ARHGEF17: variants seen among roughly 807,000 people sequenced by gnomAD.
The protein encoded by ARHGEF17 is Rho guanine nucleotide exchange factor 17, also known as 164 kDa Rho-specific guanine-nucleotide exchange factor.
In ARHGEF17, 80 loss-of-function variants were observed where a neutral mutation model predicts 174.0. The observed-to-expected ratio is 0.46, with a 90% CI of 0.38 to 0.55. The LOEUF is 0.55. Ranked by LOEUF, ARHGEF17 falls within the 20% of genes least tolerant of loss-of-function variation. The pLI, the probability that ARHGEF17 is intolerant of heterozygous loss-of-function variation, is 0.00. For missense variants in ARHGEF17, 2,886 were observed against 2,839.7 expected, an observed-to-expected ratio of 1.02 and a Z score of -0.37; for synonymous variants, 1,311 against 1,189.1, an observed-to-expected ratio of 1.10 and a Z score of -2.11.
In ARHGEF17 at chr11:73,330,550, T is replaced by C. The variant is rs1227448139; in HGVS notation, c.3193-16333T>C. 3.3e-5 allele frequency among the ~76,000 whole-genome samples: 5 copies of C among 152,318 alleles called. No individual in the cohort carries two copies. The South Asian group carries it at 1.0e-3, about 32-fold the overall frequency. On this transcript the variant is annotated intron_variant, in intron 1 of 20. Coordinates refer to ENST00000263674, the MANE Select transcript of ARHGEF17 (RefSeq NM_014786.4). ...TTCTAGGGTGGGTGTGAAGGTCAGC[T>C]GAGGGGATCGAGGCTGTGGCTGTGG...
rs780592184 is a variant in ARHGEF17, at chr11:73,365,671, A to G, written c.5726-7A>G. On this transcript the variant is annotated splice_polypyrimidine_tract_variant and splice_region_variant and intron_variant, in intron 19 of 20. Transcript: ENST00000263674. This position sits in a 1 kb window ranked among gnomAD's most constrained non-coding sequence, Gnocchi z 4.9. ...CAGCCCCAGCTGTGGTCTGTCTCCCACCCCAGGCTCGGATGCCATCATCCG... is the reference window on the plus strand; with the variant it reads ...CAGCCCCAGCTGTGGTCTGTCTCCCGCCCCAGGCTCGGATGCCATCATCCG... 2 of 1,610,686 alleles carry G rather than the reference A, an allele frequency of 1.2e-6. No individual in the cohort carries two copies. Among genetic ancestry groups the G allele is most frequent in the South Asian group, 2.2e-5 (2 of 91,038 alleles).
In ARHGEF17 at chr11:73,355,937, A is replaced by G. The variant is rs1865630185; in HGVS notation, c.3647A>G (p.Tyr1216Cys). Residue 1216 changes from tyrosine to cysteine, a missense_variant, in exon 5 of 21, where the codon TAC becomes TGC. Tyr to Cys is a radical substitution (Grantham distance 194, BLOSUM62 -2). This residue lies in a region of ARHGEF17 where 353 missense variants were observed against 470.3 expected (regional missense o/e 0.75). Coordinates refer to ENST00000263674, the MANE Select transcript of ARHGEF17 (RefSeq NM_014786.4). The stretch of plus-strand genomic sequence containing the variant: ...AAGCCTGTGCAGCGGATCCCACGCT[A>G]CGAGCTTCTGGTGAAGGTGGGCATG... Reference protein sequence around the residue: ...MIKPVQRIPRYELLVKDLLKH... With the variant: ...MIKPVQRIPRCELLVKDLLKH... 1 of 1,614,196 alleles carries G rather than the reference A, an allele frequency of 6.2e-7. No homozygotes were observed. The highest frequency in any genetic ancestry group is 8.5e-7 in the Non-Finnish European group (1 of 1,180,030).
At position 73,347,033 on chromosome 11, in the gene ARHGEF17, A is replaced by G. The variant is rs115267958; in HGVS notation, c.3270+73A>G. The G allele has an allele frequency of 1.0e-3, 1,413 of 1,418,238 alleles. 14 individuals carry two copies. The African/African-American group carries it at 0.018, about 18-fold the overall frequency. 87.9% of individuals were successfully genotyped at this position (1,418,238 alleles called of 1,614,324 possible). On this transcript the variant is annotated intron_variant, in intron 2 of 20. Transcript: ENST00000263674. The stretch of plus-strand genomic sequence containing the variant: ...GAGGCTGTCAGATGGGTGTGAGCAA[A>G]CCCCTTTCATGGACAAGGGACTGAG...
At chr11:73,360,584 G>A (rs756279891) in intron 11 of ARHGEF17, 51 bp downstream of exon 11, 1 of 1,596,478 alleles carries the variant, frequency 6.3e-7, no homozygotes, top group South Asian at 1.1e-5. Flanking sequence ...CCAGGCAGGA[G>A]GCCAGAGGCA....
chr11:73,351,236 G>T (rs1865547425), intron 2 of ARHGEF17, among the ~76,000 whole-genome samples: 1 of 152,196 alleles, frequency 6.6e-6, no homozygotes, highest in South Asian at 2.1e-4. Flanking sequence ...ACTTTCTCAA[G>T]CTTGTTTTAC....
At chr11:73,314,672 C>T (rs1421580383) in intron 1 of ARHGEF17, among the ~76,000 whole-genome samples, 2 of 152,150 alleles carry the variant, frequency 1.3e-5, no homozygotes, top group African/African-American at 4.8e-5. Flanking sequence ...GCTCATGGGT[C>T]ATTTATTCCA....
At chr11:73,312,376 T>C (rs1469800481) in intron 1 of ARHGEF17, among the ~76,000 whole-genome samples, 2 of 152,178 alleles carry the variant, frequency 1.3e-5, no homozygotes, top group African/African-American at 4.8e-5. Context: ...CTTTACTTTA[T>C]GGAGGAGCAG....
At chr11:73,331,845 G>C (rs952573553) in intron 1 of ARHGEF17, among the ~76,000 whole-genome samples, 1 of 152,300 alleles carries the variant, frequency 6.6e-6, no homozygotes, top group Admixed American at 6.5e-5. Flanking sequence ...AGAGCCCAAA[G>C]GATTTTTGAA....
Position 73,355,474 on chromosome 11 carries a change from C to T in ARHGEF17, c.3454-59C>T, listed in dbSNP as rs1228031662. On this transcript the variant is annotated intron_variant, in intron 3 of 20. Transcript: ENST00000263674. Reference sequence around the variant, plus strand: ...ACTCATGAATCAGTGAAAACTAGGACAGGGTGAGGTGGGGTGAGGGACACC... The same window carrying T: ...ACTCATGAATCAGTGAAAACTAGGATAGGGTGAGGTGGGGTGAGGGACACC... 7 of 1,111,860 alleles carry T rather than the reference C, an allele frequency of 6.3e-6. No individual in the cohort carries two copies. In the East Asian group the frequency reaches 7.1e-5, roughly 11 times the overall value. The allele number at this position is 1,111,860 out of a possible 1,614,324, so 68.9% of individuals were successfully genotyped here. A position where few individuals can be genotyped will look rare whatever the true frequency, so the allele number is the denominator to read the frequency against.
intron 1 of ARHGEF17, among the ~76,000 whole-genome samples, chr11:73,342,363 C>T (rs1468847828): frequency 6.6e-6 from 1 of 152,080 alleles, no homozygotes; most frequent in African/African-American, 2.4e-5. Flanking sequence ...AGAGCTCCTC[C>T]CTTGGGTGGA....
chr11:73,356,055 C>A, intron 5 of ARHGEF17, 102 bp downstream of exon 5: 1 of 1,572,018 alleles, frequency 6.4e-7, no homozygotes, highest in Non-Finnish European at 8.7e-7. Context: ...ATCAGGGTCC[C>A]TAGGGGACAG....
chr11:73,330,487 G>A (rs1865187612), intron 1 of ARHGEF17, among the ~76,000 whole-genome samples: 1 of 151,990 alleles, frequency 6.6e-6, no homozygotes, highest in Non-Finnish European at 1.5e-5. Flanking sequence ...TTTTCTGGAT[G>A]GTTGGTTTTA....
At chr11:73,339,774 C>T (rs1219588923) in intron 1 of ARHGEF17, among the ~76,000 whole-genome samples, 1 of 152,180 alleles carries the variant, frequency 6.6e-6, no homozygotes, top group Non-Finnish European at 1.5e-5. Flanking sequence ...GGGTGGTACT[C>T]TTGTAGAGCA....
rs1208666241 is a variant in ARHGEF17 at position 73,362,690 on chromosome 11, T to C, written c.4952T>C (p.Leu1651Pro). The C allele has an allele frequency of 5.0e-6, 8 of 1,608,422 alleles. No individual in the cohort carries two copies. Among genetic ancestry groups the C allele is most frequent in the Non-Finnish European group, 6.8e-6 (8 of 1,178,630 alleles). Residue 1651 changes from leucine to proline, a missense_variant, in exon 14 of 21, where the codon CTG becomes CCG. By Grantham distance (98) the Leu-to-Pro change is moderately conservative. Transcript: ENST00000263674. The part of the protein sequence containing the change: ...DESSPSPSGT[L>P]QSQASRSTIS... ...TCTTCGCCCAGCCCCTCGGGGACGC[T>C]GCAGAGCCAGGCCAGCCGGTCCACC...
In ARHGEF17 at chr11:73,367,936, G is replaced by C; in HGVS notation, c.*156G>C. ...TTGTCTTCGCGGAAGCATTCCTGAT[G>C]GAACACCCACTGGCCAGCCAGGCCA... is the stretch of plus-strand genomic sequence containing the variant. On this transcript the variant is annotated 3_prime_UTR_variant, in exon 21 of 21. Transcript: ENST00000263674. 1.3e-6 allele frequency: 1 copy of C among 788,270 alleles called. No homozygotes were observed. Among genetic ancestry groups the C allele is most frequent in the African/African-American group, 1.7e-5 (1 of 57,628 alleles). 48.8% of individuals were successfully genotyped at this position (788,270 alleles called of 1,614,324 possible). A position where few individuals can be genotyped will look rare whatever the true frequency, so the allele number is the denominator to read the frequency against.
rs1481421097 is a variant in ARHGEF17, at chr11:73,369,170, A to G, written c.*1390A>G. 8.5e-5 allele frequency: 13 copies of G among 152,226 alleles called. No homozygotes were observed. The highest frequency in any genetic ancestry group is 3.1e-4 in the African/African-American group (13 of 41,418). 9.4% of individuals were successfully genotyped at this position (152,226 alleles called of 1,614,324 possible). ...CACATGGGCCTTCCGACGTCCACAC[A>G]CTTGGGAAGAAGGGAGGCCTTGGAG... is the stretch of plus-strand genomic sequence containing the variant. On this transcript the variant is annotated 3_prime_UTR_variant, in exon 21 of 21. Coordinates refer to ENST00000263674, the MANE Select transcript of ARHGEF17 (RefSeq NM_014786.4).
chr11:73,330,762 C>T (rs1865191401), intron 1 of ARHGEF17, among the ~76,000 whole-genome samples: 1 of 152,238 alleles, frequency 6.6e-6, no homozygotes, highest in Non-Finnish European at 1.5e-5. Context: ...CCTGGCTGTC[C>T]TGGAGGTGGA....
At chr11:73,345,874 A>G (rs1326459586) in intron 1 of ARHGEF17, among the ~76,000 whole-genome samples, 2 of 152,104 alleles carry the variant, frequency 1.3e-5, no homozygotes, top group Non-Finnish European at 2.9e-5. Flanking sequence ...AGTGGAGTCT[A>G]GGGGTCTAGG....
intron 1 of ARHGEF17, among the ~76,000 whole-genome samples, chr11:73,314,521 G>T (rs1028805598): frequency 6.6e-6 from 1 of 152,222 alleles, no homozygotes; most frequent in Non-Finnish European, 1.5e-5. Context: ...AGACTGCCTG[G>T]TCTGTGAGGC....
Sources: gnomAD v4.1 joint callset for allele counts (sites outside exome capture counted in the v4.1 genomes callset) on GRCh38, gnomAD v4.1.1 for gene constraint, gnomAD v4.1.1 regional missense constraint, Gnocchi (gnomAD v3.1) non-coding constraint, MANE v1.5 for transcripts, NCBI Gene and HGNC (gene_info 2026-07-23, HGNC 2026-07-21) for gene names.